The following FBXW7 variants were observed in gnomAD, a reference collection of about 807,000 sequenced individuals.
FBXW7 encodes the protein F-box and WD repeat domain containing 7, also known as F-box/WD repeat-containing protein 7.
A neutral mutation model predicts 86.3 loss-of-function variants in FBXW7; 11 were observed. The observed-to-expected ratio is 0.13, with a 90% confidence interval of 0.08 to 0.21. FBXW7 has a LOEUF of 0.21. Among genes scored for constraint, FBXW7 ranks in the 10% least tolerant of loss-of-function variants. FBXW7 has a pLI of 1.00. For missense variants in FBXW7, 488 were observed against 847.4 expected (o/e 0.58, Z 5.27); for synonymous variants, 313 against 297.9 (o/e 1.05, Z -0.52).
At chr4:152,485,999 T>C (rs1044506505) in intron 2 of FBXW7, among the ~76,000 whole-genome samples, 1 of 152,212 alleles carries the variant, frequency 6.6e-6, no homozygotes. Flanking sequence ...TATAGCCCAT[T>C]GCTCCTAGGC....
At chr4:152,387,177 T>C (rs1735594509) in intron 4 of FBXW7, among the ~76,000 whole-genome samples, 1 of 152,204 alleles carries the variant, frequency 6.6e-6, no homozygotes, top group Admixed American at 6.5e-5. Flanking sequence ...TCAAAAACTT[T>C]CACAGGAATA....
At chr4:152,425,873 C>T (rs2126931735) in intron 2 of FBXW7, among the ~76,000 whole-genome samples, 2 of 152,282 alleles carry the variant, frequency 1.3e-5, no homozygotes, top group Non-Finnish European at 2.9e-5. Context: ...ACAAGGTGAA[C>T]ACCTATCATT....
At chr4:152,434,293 C>T (rs1162391394) in intron 2 of FBXW7, among the ~76,000 whole-genome samples, 1 of 152,100 alleles carries the variant, frequency 6.6e-6, no homozygotes, top group Non-Finnish European at 1.5e-5. Context: ...CATTTTAAAG[C>T]TCAGTACTAT....
At chr4:152,385,609 T>C (rs955074611) in intron 4 of FBXW7, among the ~76,000 whole-genome samples, 1 of 152,112 alleles carries the variant, frequency 6.6e-6, no homozygotes, top group African/African-American at 2.4e-5. Flanking sequence ...CTTTTCATTT[T>C]CATGAAATAA....
intron 2 of FBXW7, among the ~76,000 whole-genome samples, chr4:152,467,475 A>G (rs1214992590): frequency 1.3e-5 from 2 of 152,178 alleles, no homozygotes; most frequent in Non-Finnish European, 2.9e-5. Context: ...AATAACATCT[A>G]TTAAGGATGG....
At chr4:152,396,748 A>C (rs978774987) in intron 4 of FBXW7, among the ~76,000 whole-genome samples, 1 of 152,036 alleles carries the variant, frequency 6.6e-6, no homozygotes, top group Non-Finnish European at 1.5e-5. Context: ...TCAATTACCT[A>C]AGCTCATGTC....
intron 2 of FBXW7, among the ~76,000 whole-genome samples, chr4:152,441,643 AGAC>A (rs1391573532): frequency 3.9e-5 from 6 of 152,234 alleles, no homozygotes; most frequent in Non-Finnish European, 7.3e-5. Context: ...CAAAGAGCCA[AGAC>A]TATATGGCAA....
chr4:152,478,528 T>G (rs1744616052), intron 2 of FBXW7, among the ~76,000 whole-genome samples: 2 of 152,140 alleles, frequency 1.3e-5, no homozygotes, highest in African/African-American at 4.8e-5. Context: ...TGAACACTGC[T>G]GTATAAGTTA....
intron 2 of FBXW7, among the ~76,000 whole-genome samples, chr4:152,509,955 T>C (rs1747806214): frequency 6.6e-6 from 1 of 152,182 alleles, no homozygotes; most frequent in African/African-American, 2.4e-5. Context: ...ACACATCCAT[T>C]TAGGCAATTG....
intron 2 of FBXW7, among the ~76,000 whole-genome samples, chr4:152,419,341 A>G (rs1041051913): frequency 2.6e-5 from 4 of 152,158 alleles, no homozygotes; most frequent in African/African-American, 7.2e-5. Flanking sequence ...AGTGAAGCTT[A>G]ATTACCACGG....
intron 4 of FBXW7, among the ~76,000 whole-genome samples, chr4:152,380,047 T>C (rs997512979): frequency 6.6e-6 from 1 of 152,124 alleles, no homozygotes; most frequent in African/African-American, 2.4e-5. Context: ...CAAGACTGCA[T>C]ATAGTCTCAT....
intron 4 of FBXW7, among the ~76,000 whole-genome samples, chr4:152,369,935 C>T (rs934312871): frequency 4.0e-5 from 6 of 151,746 alleles, no homozygotes; most frequent in Non-Finnish European, 7.4e-5. Flanking sequence ...AGAATAGTTC[C>T]AACTTAATGA....
chr4:152,326,656 A>G (rs1269336540), intron 11 of FBXW7, among the ~76,000 whole-genome samples: 1 of 152,124 alleles, frequency 6.6e-6, no homozygotes, highest in East Asian at 1.9e-4. Context: ...AGTGGTTTAA[A>G]GAATTTAAAT....
In FBXW7 at chr4:152,320,902, T is replaced by C. The variant is rs751808916; in HGVS notation, c.*1979A>G. 1 of 152,276 alleles carries C rather than the reference T, an allele frequency of 6.6e-6. No homozygotes were observed. The highest frequency in any genetic ancestry group is 1.5e-5 in the Non-Finnish European group (1 of 68,096). 9.4% of individuals were successfully genotyped at this position (152,276 alleles called of 1,614,324 possible). ...ACAGAAAGTATCGAGGGTAAGCACT[T>C]AATATGTGGTCAAAATTTCAAAATG... On this transcript the variant is annotated 3_prime_UTR_variant, in exon 14 of 14. Coordinates refer to ENST00000281708, the MANE Select transcript of FBXW7 (RefSeq NM_001349798.2).
chr4:152,518,523 C>A (rs887543495), intron 2 of FBXW7, among the ~76,000 whole-genome samples: 1 of 152,160 alleles, frequency 6.6e-6, no homozygotes, highest in Non-Finnish European at 1.5e-5. Flanking sequence ...TCTCCAACTC[C>A]CGGCCTAAAG....
At chr4:152,514,932 T>G (rs955568926) in intron 2 of FBXW7, among the ~76,000 whole-genome samples, 10 of 152,098 alleles carry the variant, frequency 6.6e-5, no homozygotes, top group Non-Finnish European at 1.0e-4. Context: ...ATAAGATTAT[T>G]TAGGAGCTGA....
rs545096663 is a variant in FBXW7, at chr4:152,324,163, C to T, written c.1855+21G>A. 82 of 1,583,762 alleles carry T rather than the reference C, an allele frequency of 5.2e-5. No individual in the cohort carries two copies. The African/African-American group carries it at 7.4e-4, about 14-fold the overall frequency. ...ATGATCTCATTTTTAATGAACAAAA[C>T]GAAAGGTGAGTAAGACTTACCTTGC... On this transcript the variant is annotated intron_variant, in intron 13 of 13. Transcript: ENST00000281708.
chr4:152,359,215 C>T (rs1031217153), intron 4 of FBXW7, among the ~76,000 whole-genome samples: 3 of 152,028 alleles, frequency 2.0e-5, no homozygotes, highest in Admixed American at 6.6e-5. Flanking sequence ...AAGTCACCTC[C>T]TATGTCCCAA....
In FBXW7 at chr4:152,360,938, C is replaced by A. The variant is rs931836990; in HGVS notation, c.502-10814G>T. Among the ~76,000 whole-genome samples, 7 of 151,438 alleles carry A rather than the reference C, an allele frequency of 4.6e-5. No individual in the cohort carries two copies. The South Asian group carries it at 1.5e-3, about 31-fold the overall frequency. On this transcript the variant is annotated intron_variant, in intron 4 of 13. Transcript: ENST00000281708. ...CTTACTGCACTTTTTAAAATATAGGCATCTCTTCTCATCAAGCATCTTACT... is the reference window on the plus strand; with the variant it reads ...CTTACTGCACTTTTTAAAATATAGGAATCTCTTCTCATCAAGCATCTTACT...
Sources: gnomAD v4.1 joint callset for allele counts (sites outside exome capture counted in the v4.1 genomes callset) on GRCh38, gnomAD v4.1.1 for gene constraint, MANE v1.5 for transcripts, NCBI Gene and HGNC (gene_info 2026-07-23, HGNC 2026-07-21) for gene names.